The following ZNF365 variants were observed in gnomAD, a reference collection of about 807,000 sequenced individuals.
ZNF365 encodes protein ZNF365.
ZNF365 carries 22 observed loss-of-function variants against 35.0 expected under a neutral mutation model. That is an observed-to-expected ratio of 0.63 (90% CI 0.45 to 0.90). The LOEUF is 0.90. ZNF365 is among the 40% of genes least tolerant of loss of function. ZNF365 has a pLI of 0.00. For missense variants in ZNF365, 448 were observed against 500.3 expected, an observed-to-expected ratio of 0.90 and a Z score of 1.00; for synonymous variants, 188 against 196.2, an observed-to-expected ratio of 0.96 and a Z score of 0.35.
At chr10:62,480,046 G>A (rs549022663) in exon 5 of ZNF365, 650 of 1,406,804 alleles carry the variant, frequency 4.6e-4, no homozygotes, top group Non-Finnish European at 5.7e-4. Flanking sequence ...GCTACTTGGT[G>A]ACTTTACTCA....
At chr10:62,375,091 G>A (rs1416333931) in intron 1 of ZNF365, among the ~76,000 whole-genome samples, 1 of 152,134 alleles carries the variant, frequency 6.6e-6, no homozygotes, top group East Asian at 1.9e-4. Flanking sequence ...GACCCCAGCT[G>A]GGCTCCCTCA....
At chr10:62,376,064 T>C (rs761369099) in intron 1 of ZNF365, 117 bp from the exon 2 acceptor site, 136 of 1,110,242 alleles carry the variant, frequency 1.2e-4, no homozygotes, top group African/African-American at 4.7e-5. Flanking sequence ...ACATAAAATA[T>C]TATGTGCAAA....
chr10:62,478,727 C>T (rs2132497757), intron 4 of ZNF365, among the ~76,000 whole-genome samples: 1 of 152,288 alleles, frequency 6.6e-6, no homozygotes, highest in African/African-American at 2.4e-5. Flanking sequence ...ACACCTGCCA[C>T]TACACCCGGC....
At chr10:62,476,899 T>C (rs1841141230) in intron 4 of ZNF365, among the ~76,000 whole-genome samples, 1 of 152,250 alleles carries the variant, frequency 6.6e-6, no homozygotes, top group Non-Finnish European at 1.5e-5. Flanking sequence ...TCTGTCTTAT[T>C]AGTGGGCAAT....
chr10:62,474,316 C>A (rs1334847911), intron 4 of ZNF365, among the ~76,000 whole-genome samples: 2 of 152,310 alleles, frequency 1.3e-5, no homozygotes, highest in Non-Finnish European at 2.9e-5. Context: ...GGTGTCTCCA[C>A]CACACTTAGT....
At chr10:62,417,637 C>G (rs556845800) in intron 3 of ZNF365, among the ~76,000 whole-genome samples, 1 of 149,380 alleles carries the variant, frequency 6.7e-6, no homozygotes, top group African/African-American at 2.4e-5. Context: ...TAGAAATGAA[C>G]AGAACTTAGA....
chr10:62,399,687 C>A lies in ZNF365; in HGVS notation c.1122C>A (p.Cys374Ter), dbSNP rs1839792902. The A allele has an allele frequency of 6.2e-7, 1 of 1,614,006 alleles. No individual in the cohort carries two copies. The highest frequency in any genetic ancestry group is 1.7e-5 in the Admixed American group (1 of 59,998). The change falls in exon 5 of 5, where the codon TGC (cysteine) becomes TGA (stop). Residue 374 changes from cysteine to a stop codon, truncating the protein, a stop_gained. Transcript: ENST00000395254. LOFTEE classifies it high-confidence loss of function. ...AGGCTGAGTCCTCAAGAGACCTCTGCAGACCTCCAAAGAAAGGGGAGCTCC... is the reference window on the plus strand; with the variant it reads ...AGGCTGAGTCCTCAAGAGACCTCTGAAGACCTCCAAAGAAAGGGGAGCTCC... ...HEQAESSRDL[C>*]RPPKKGELLG...
chr10:62,426,232 T>A (rs1840248743), intron 3 of ZNF365, among the ~76,000 whole-genome samples: 1 of 152,100 alleles, frequency 6.6e-6, no homozygotes, highest in South Asian at 2.1e-4. Context: ...ATAACTTCTT[T>A]GGTTCCCCTA....
At position 62,388,573 on chromosome 10, in the gene ZNF365, C is replaced by G; in HGVS notation, c.921C>G (p.His307Gln). The G allele has an allele frequency of 6.2e-7, 1 of 1,613,626 alleles. No individual in the cohort carries two copies. The highest frequency in any genetic ancestry group is 1.7e-5 in the Admixed American group (1 of 60,028). ...GCTTTGTCCGTGATCTCAGCGGGCA[C>G]GTGGTGAGTCACCCCGGGCCAGCCA... ...ASGFVRDLSG[H>Q]VLTDISSNRK... Residue 307 changes from histidine (H) to glutamine (Q), a missense_variant, in exon 3 of 5, where the codon CAC (histidine) becomes CAG (glutamine). His to Gln is a conservative substitution (Grantham distance 24). Around this residue, in one of 3 missense-constraint regions of ZNF365, gnomAD observed 362 missense variants for 375.7 expected, o/e 0.96. Coordinates refer to ENST00000395254, the MANE Select transcript of ZNF365 (RefSeq NM_014951.3).
At chr10:62,390,377 A>G (rs891316294) in intron 3 of ZNF365, among the ~76,000 whole-genome samples, 1 of 152,256 alleles carries the variant, frequency 6.6e-6, no homozygotes, top group South Asian at 2.1e-4. Flanking sequence ...CTCAGCCAAG[A>G]GGAATCTCAA....
intron 3 of ZNF365, among the ~76,000 whole-genome samples, chr10:62,428,256 G>C (rs1840279131): frequency 6.6e-6 from 1 of 152,116 alleles, no homozygotes; most frequent in Non-Finnish European, 1.5e-5. Context: ...CCCAATATTA[G>C]AGAGGCCTTG....
At chr10:62,395,929 C>G (rs1188622157) in intron 3 of ZNF365, among the ~76,000 whole-genome samples, 1 of 152,162 alleles carries the variant, frequency 6.6e-6, no homozygotes, top group Non-Finnish European at 1.5e-5. Flanking sequence ...ATCAAAGGCT[C>G]TTTTGATCCT....
intron 4 of ZNF365, among the ~76,000 whole-genome samples, chr10:62,469,672 T>C (rs1296978328): frequency 6.6e-6 from 1 of 152,182 alleles, no homozygotes. Context: ...TGTACTTTAT[T>C]ATATAATATT....
chr10:62,463,100 G>T (rs1840874932), intron 4 of ZNF365, among the ~76,000 whole-genome samples: 1 of 152,138 alleles, frequency 6.6e-6, no homozygotes, highest in African/African-American at 2.4e-5. Context: ...ACATCAAAGT[G>T]CACACATTGA....
At chr10:62,414,392 A>G (rs1043065319) in intron 3 of ZNF365, among the ~76,000 whole-genome samples, 1 of 150,918 alleles carries the variant, frequency 6.6e-6, no homozygotes, top group African/African-American at 2.4e-5. Flanking sequence ...TTTTGTTTTA[A>G]TTTTTATAGA....
chr10:62,478,484 G>T (rs1841168184), intron 4 of ZNF365, among the ~76,000 whole-genome samples: 1 of 152,190 alleles, frequency 6.6e-6, no homozygotes, highest in Non-Finnish European at 1.5e-5. Context: ...AAGAATTATA[G>T]AACATGATCT....
intron 3 of ZNF365, among the ~76,000 whole-genome samples, chr10:62,394,252 C>T (rs925720982): frequency 7.9e-5 from 12 of 152,176 alleles, no homozygotes; most frequent in Non-Finnish European, 1.3e-4. Flanking sequence ...AAAAGTTTCA[C>T]ATTTTGGAGC....
intron 3 of ZNF365, among the ~76,000 whole-genome samples, chr10:62,440,076 T>A (rs188060112): frequency 3.9e-5 from 6 of 152,308 alleles, no homozygotes; most frequent in Admixed American, 3.9e-4. Flanking sequence ...ACTTTGCCTA[T>A]GGAGTCTGTT....
At chr10:62,439,027 T>TG (rs1840451716) in intron 3 of ZNF365, among the ~76,000 whole-genome samples, 1 of 152,226 alleles carries the variant, frequency 6.6e-6, no homozygotes, top group African/African-American at 2.4e-5. Context: ...TAAGGTCATT[T>TG]AGCATGGAAA....
Sources: gnomAD v4.1 joint callset for allele counts (sites outside exome capture counted in the v4.1 genomes callset) on GRCh38, gnomAD v4.1.1 for gene constraint, gnomAD v4.1.1 regional missense constraint, MANE v1.5 for transcripts, NCBI Gene and HGNC (gene_info 2026-07-23, HGNC 2026-07-21) for gene names.